The following PDE1C variants were observed in gnomAD, a reference collection of about 807,000 sequenced individuals.
PDE1C encodes the protein phosphodiesterase 1C.
In PDE1C, 62 loss-of-function variants were observed where a neutral mutation model predicts 93.1. That is an observed-to-expected ratio of 0.67 (90% CI 0.54 to 0.82). The LOEUF is 0.82. Among genes scored for constraint, PDE1C ranks in the 40% least tolerant of loss-of-function variants. The probability of loss-of-function intolerance (pLI) is 0.00; values close to 1 mark genes in which losing one functional copy is unlikely to be tolerated. For missense variants in PDE1C, 742 were observed against 884.6 expected (o/e 0.84, Z 2.04); for synonymous variants, 325 against 310.1 (o/e 1.05, Z -0.50).
intron 3 of PDE1C, among the ~76,000 whole-genome samples, chr7:32,123,452 G>A (rs533165502): frequency 1.3e-5 from 2 of 152,094 alleles, no homozygotes; most frequent in African/African-American, 4.8e-5. Flanking sequence ...ACATCAATGT[G>A]AAAACCTCAA....
upstream of PDE1C, among the ~76,000 whole-genome samples, chr7:32,072,198 T>C (rs1796103268): frequency 1.3e-5 from 2 of 152,208 alleles, no homozygotes; most frequent in Non-Finnish European, 2.9e-5. Context: ...GATGCTTGGC[T>C]GGCCCCATGC....
intron 2 of PDE1C, among the ~76,000 whole-genome samples, chr7:31,955,956 T>C (rs958900446): frequency 1.3e-5 from 2 of 152,220 alleles, no homozygotes; most frequent in Non-Finnish European, 2.9e-5. Context: ...CTGAATGACC[T>C]GGAGGTTTTC....
At chr7:31,799,463 T>C (rs1455963086) in intron 16 of PDE1C, among the ~76,000 whole-genome samples, 3 of 151,740 alleles carry the variant, frequency 2.0e-5, no homozygotes, top group Admixed American at 1.3e-4. Flanking sequence ...TCAATTCAAA[T>C]AGAACAAAAG....
intron 11 of PDE1C, among the ~76,000 whole-genome samples, chr7:31,831,498 GCA>G (rs56323846): frequency 0.83 from 123,908 of 149,008 alleles, 51,198 homozygotes; most frequent in Non-Finnish European, 0.87. Flanking sequence ...ACACATGCAC[GCA>G]CACACACACA....
intron 16 of PDE1C, among the ~76,000 whole-genome samples, chr7:31,797,481 A>C (rs1427883567): frequency 6.6e-6 from 1 of 151,804 alleles, no homozygotes; most frequent in Non-Finnish European, 1.5e-5. Context: ...ACCACTAGTG[A>C]AGTATATTAC....
the PDE1C span, among the ~76,000 whole-genome samples, chr7:31,623,494 A>T: frequency 6.6e-6 from 1 of 151,928 alleles, no homozygotes; most frequent in South Asian, 2.1e-4. Context: ...ACAGAACCAA[A>T]GACAAAAATG....
chr7:32,131,813 T>A lies in PDE1C; in HGVS notation c.308+37972A>T, dbSNP rs148253590. Among the ~76,000 whole-genome samples, 167 of 152,244 alleles carry A rather than the reference T, an allele frequency of 1.1e-3. No individual in the cohort carries two copies. The Middle Eastern group carries it at 0.017, about 16-fold the overall frequency. ...TATTTACCAAAACCAAGCATTGTTT[T>A]AGACACTGGGGACACAACAGTGAAT... is the stretch of plus-strand genomic sequence containing the variant. On this transcript the variant is annotated intron_variant, in intron 3 of 18. Coordinates refer to the PDE1C transcript ENST00000396193.
intron 3 of PDE1C, 65 bp downstream of exon 3, chr7:31,880,682 A>C: frequency 1.1e-6 from 1 of 942,440 alleles, no homozygotes; most frequent in Non-Finnish European, 1.7e-6. Context: ...GGACAATTTC[A>C]GAAAAGCCAT....
At chr7:31,669,116 C>T in the PDE1C span, among the ~76,000 whole-genome samples, 21 of 152,198 alleles carry the variant, frequency 1.4e-4, no homozygotes, top group South Asian at 6.2e-4. Flanking sequence ...CATGATGTGA[C>T]GCATTTTAAG....
At chr7:32,001,448 A>G (rs1456447337) in intron 2 of PDE1C, among the ~76,000 whole-genome samples, 1 of 152,156 alleles carries the variant, frequency 6.6e-6, no homozygotes, top group Non-Finnish European at 1.5e-5. Context: ...ATCATGTATT[A>G]CGGTTATTTA....
At chr7:32,117,815 T>C (rs1799067615) in intron 3 of PDE1C, among the ~76,000 whole-genome samples, 1 of 152,212 alleles carries the variant, frequency 6.6e-6, no homozygotes, top group Admixed American at 6.5e-5. Context: ...TATTGATAAA[T>C]TAAATTGGTC....
the PDE1C span, among the ~76,000 whole-genome samples, chr7:31,685,456 T>C: frequency 1.8e-4 from 28 of 152,330 alleles, 1 homozygote; most frequent in South Asian, 5.6e-3. Flanking sequence ...CACAACGACA[T>C]GTAGATCTAT....
intron 12 of PDE1C, 108 bp downstream of exon 12, chr7:31,828,184 G>T: frequency 1.3e-6 from 1 of 793,482 alleles, no homozygotes; most frequent in Non-Finnish European, 2.1e-6. Flanking sequence ...AGCACAACAT[G>T]GCAGAATGGA....
chr7:31,881,722 C>T (rs959574165), intron 2 of PDE1C, among the ~76,000 whole-genome samples: 1 of 152,102 alleles, frequency 6.6e-6, no homozygotes, highest in African/African-American at 2.4e-5. Flanking sequence ...AGCTGTGCAA[C>T]CCTAGGTAAG....
chr7:31,681,890 A>G, the PDE1C span, among the ~76,000 whole-genome samples: 2 of 152,198 alleles, frequency 1.3e-5, no homozygotes, highest in South Asian at 2.1e-4. Flanking sequence ...AGTAACCATA[A>G]CAAGTTGAAA....
chr7:32,380,945 C>T (rs755669299), intron 1 of PDE1C, among the ~76,000 whole-genome samples: 2 of 152,000 alleles, frequency 1.3e-5, no homozygotes, highest in African/African-American at 2.4e-5. Flanking sequence ...CCTAGTTTTC[C>T]ACCTCCAGTT....
the PDE1C span, among the ~76,000 whole-genome samples, chr7:31,659,202 T>C: frequency 6.6e-6 from 1 of 152,226 alleles, no homozygotes; most frequent in Non-Finnish European, 1.5e-5. Flanking sequence ...TCATTTATAT[T>C]CTTCTATGGA....
chr7:31,775,637 G>A, intron 17 of PDE1C, 27 bp downstream of exon 17: 1 of 1,598,384 alleles, frequency 6.3e-7, no homozygotes, highest in Non-Finnish European at 8.6e-7. Flanking sequence ...TGGTCACTAA[G>A]ATAATGGTGC....
chr7:32,005,179 C>T (rs1026172390), intron 2 of PDE1C, among the ~76,000 whole-genome samples: 2 of 152,130 alleles, frequency 1.3e-5, no homozygotes, highest in East Asian at 1.9e-4. Flanking sequence ...TGGCCATGAA[C>T]TCTCATCATT....
Sources: gnomAD v4.1 joint callset for allele counts (sites outside exome capture counted in the v4.1 genomes callset) on GRCh38, gnomAD v4.1.1 for gene constraint, MANE v1.5 for transcripts, NCBI Gene and HGNC (gene_info 2026-07-23, HGNC 2026-07-21) for gene names.